FHOD3: variants seen among roughly 807,000 people sequenced by gnomAD.
FHOD3 encodes formin homology 2 domain containing 3.
In FHOD3, 90 loss-of-function variants were observed where a neutral mutation model predicts 173.0. The ratio of observed to expected loss-of-function variants is 0.52; its 90% CI spans 0.44 to 0.62. The LOEUF (loss-of-function observed/expected upper bound fraction) is 0.62, where lower values mean the gene tolerates loss of function less well. FHOD3 is among the 20% of genes least tolerant of loss of function. The pLI, the probability that FHOD3 is intolerant of heterozygous loss-of-function variation, is 0.00. For missense variants in FHOD3, 1,945 were observed against 2,034.7 expected (o/e 0.96, Z 0.85); for synonymous variants, 828 against 823.0 (o/e 1.01, Z -0.10).
intron 18 of FHOD3, among the ~76,000 whole-genome samples, chr18:36,715,195 G>C (rs534524804): frequency 1.3e-5 from 2 of 152,222 alleles, no homozygotes; most frequent in South Asian, 4.1e-4. Context: ...CAGGTCATGG[G>C]AGGGACCAGG....
At chr18:36,775,482 A>T (rs2043588072) in intron 28 of FHOD3, among the ~76,000 whole-genome samples, 1 of 152,156 alleles carries the variant, frequency 6.6e-6, no homozygotes, top group Admixed American at 6.5e-5. Context: ...TGGGCCAGTG[A>T]CCAGGTTCTC....
intron 3 of FHOD3, among the ~76,000 whole-genome samples, chr18:36,475,535 G>T (rs976567630): frequency 6.6e-6 from 1 of 152,082 alleles, no homozygotes; most frequent in Admixed American, 6.5e-5. Context: ...AAGAAATTGA[G>T]AATTCTAATG....
chr18:36,644,972 G>A lies in FHOD3; in HGVS notation c.1197-4344G>A, dbSNP rs1011127471. Among the ~76,000 whole-genome samples, 6 of 152,164 alleles carry A rather than the reference G, an allele frequency of 3.9e-5. No homozygotes were observed. In the South Asian group the frequency reaches 1.0e-3, roughly 26 times the overall value. ...GGCCCATCGGTTGGCAAGGTGGAGGGCATTTTGTGTGGACCAGAAGTAATA... is the reference window on the plus strand; with the variant it reads ...GGCCCATCGGTTGGCAAGGTGGAGGACATTTTGTGTGGACCAGAAGTAATA... On this transcript the variant is annotated intron_variant, in intron 10 of 28. Transcript: ENST00000590592.
intron 17 of FHOD3, among the ~76,000 whole-genome samples, chr18:36,702,704 C>T (rs1299663271): frequency 6.6e-6 from 1 of 152,232 alleles, no homozygotes; most frequent in African/African-American, 2.4e-5. Flanking sequence ...ACCAATTTAT[C>T]ACTTCAAAGA....
chr18:36,383,280 C>T (rs1023993865), intron 3 of FHOD3, among the ~76,000 whole-genome samples: 1 of 152,130 alleles, frequency 6.6e-6, no homozygotes, highest in African/African-American at 2.4e-5. Context: ...TTGGTGCTGT[C>T]CTGAATCACA....
chr18:36,360,084 C>A (rs2046535772), intron 2 of FHOD3, among the ~76,000 whole-genome samples: 1 of 152,232 alleles, frequency 6.6e-6, no homozygotes, highest in African/African-American at 2.4e-5. Flanking sequence ...CCTGTTGCTA[C>A]CCTCAGTGTC....
At chr18:36,743,524 AAAAC>A (rs1022898905) in intron 22 of FHOD3, among the ~76,000 whole-genome samples, 24 of 152,298 alleles carry the variant, frequency 1.6e-4, no homozygotes, top group Non-Finnish European at 2.2e-4. Context: ...TGCTTAAAGA[AAAAC>A]AACTGTTTAA....
chr18:36,649,014 C>T (rs556051054), intron 10 of FHOD3, among the ~76,000 whole-genome samples: 1 of 152,114 alleles, frequency 6.6e-6, no homozygotes, highest in South Asian at 2.1e-4. Context: ...CTGTGAATTG[C>T]ATGTAGGGGG....
chr18:36,508,657 A>C (rs1355780715), intron 4 of FHOD3, among the ~76,000 whole-genome samples: 1 of 152,076 alleles, frequency 6.6e-6, no homozygotes, highest in Non-Finnish European at 1.5e-5. Flanking sequence ...AAAAAAAAAA[A>C]AAAAACAGGT....
Position 36,693,187 on chromosome 18 carries a change from C to A in FHOD3, c.2022-22C>A, listed in dbSNP as rs79767068. ...AGGCTCCTCTTTCGTTTGACGGAAACCCTTTGGAATTTAACTTTCAGATAC... is the reference window on the plus strand; with the variant it reads ...AGGCTCCTCTTTCGTTTGACGGAAAACCTTTGGAATTTAACTTTCAGATAC... On this transcript the variant is annotated intron_variant, in intron 16 of 28. Transcript: ENST00000590592. The A allele has an allele frequency of 4.1e-3, 6,579 of 1,604,474 alleles. 230 individuals carry two copies. The African/African-American group carries it at 0.079, about 19-fold the overall frequency.
intron 3 of FHOD3, among the ~76,000 whole-genome samples, chr18:36,480,009 C>T (rs1251771306): frequency 6.6e-6 from 1 of 152,224 alleles, no homozygotes; most frequent in Admixed American, 6.5e-5. Flanking sequence ...AAAACAATTA[C>T]AGCCAGCCAA....
chr18:36,589,630 A>G (rs1017772391), intron 6 of FHOD3, among the ~76,000 whole-genome samples: 1 of 152,212 alleles, frequency 6.6e-6, no homozygotes, highest in African/African-American at 2.4e-5. Flanking sequence ...GGGACCTTAC[A>G]TGGGGTCAGC....
intron 3 of FHOD3, among the ~76,000 whole-genome samples, chr18:36,425,560 G>T (rs2050196540): frequency 6.6e-6 from 1 of 152,120 alleles, no homozygotes; most frequent in African/African-American, 2.4e-5. Context: ...ATAAGGTTAT[G>T]TTCATTTAGT....
intron 14 of FHOD3, among the ~76,000 whole-genome samples, chr18:36,676,971 T>C (rs551521525): frequency 1.3e-5 from 2 of 152,308 alleles, no homozygotes; most frequent in African/African-American, 4.8e-5. Flanking sequence ...TCTTATGTAG[T>C]CTTTCAATGT....
intron 19 of FHOD3, among the ~76,000 whole-genome samples, chr18:36,725,559 C>T (rs1242438815): frequency 6.6e-6 from 1 of 152,138 alleles, no homozygotes; most frequent in East Asian, 1.9e-4. Flanking sequence ...CTTGAGACTC[C>T]AGGCAGCAGG....
chr18:36,363,312 T>A (rs1296257407), intron 2 of FHOD3, among the ~76,000 whole-genome samples: 1 of 152,170 alleles, frequency 6.6e-6, no homozygotes, highest in Non-Finnish European at 1.5e-5. Context: ...CCCAAATGAG[T>A]TGAAAACTTA....
rs755636461 is a variant in FHOD3 at position 36,611,990 on chromosome 18, C to T, written c.852C>T (p.Asp284=). ...SGLPDQDTFY[D]VVDCLEELGI... ...TACCAGACCAAGACACCTTCTACGA[C>T]GTCGTGGACTGCCTGGAGGAGCTGG... The change falls in exon 9 of 29, where the codon GAC becomes GAT. Residue 284 remains aspartate, a synonymous_variant. Transcript: ENST00000590592. 59 of 1,614,126 alleles carry T rather than the reference C, an allele frequency of 3.7e-5. 1 individual carries two copies. Among genetic ancestry groups the T allele is most frequent in the Middle Eastern group, 1.7e-4 (1 of 6,060 alleles).
chr18:36,607,984 C>T (rs1291112711), intron 8 of FHOD3, among the ~76,000 whole-genome samples: 2 of 152,202 alleles, frequency 1.3e-5, no homozygotes, highest in East Asian at 3.8e-4. Flanking sequence ...TACAACTATT[C>T]TCTTCTTCTG....
At chr18:36,480,857 G>T (rs2053843656) in intron 3 of FHOD3, among the ~76,000 whole-genome samples, 1 of 152,088 alleles carries the variant, frequency 6.6e-6, no homozygotes, top group South Asian at 2.1e-4. Context: ...CATTCTTCTT[G>T]CTTTTGTCTC....
Sources: allele counts gnomAD v4.1 joint callset (sites outside exome capture counted in the v4.1 genomes callset), GRCh38; gene constraint gnomAD v4.1.1; transcripts MANE v1.5; gene names NCBI Gene and HGNC (gene_info 2026-07-23, HGNC 2026-07-21).